Variants in ZNF621 observed in about 807,000 individuals in gnomAD.
The protein encoded by ZNF621 is zinc finger protein 621.
In ZNF621, 6 loss-of-function variants were observed where a neutral mutation model predicts 12.7. The observed-to-expected ratio is 0.47, with a 90% CI of 0.26 to 0.93. ZNF621 has a LOEUF of 0.93. ZNF621 is among the 40% of genes least tolerant of loss of function. The pLI is 0.15. For missense variants in ZNF621, 474 were observed against 524.0 expected, an observed-to-expected ratio of 0.90 and a Z score of 0.93; for synonymous variants, 156 against 190.3, an observed-to-expected ratio of 0.82 and a Z score of 1.48.
rs1369204312 is a variant in ZNF621 at position 40,538,036 on chromosome 3, CTT to C, written c.*4948_*4949del. 2.0e-5 allele frequency among the ~76,000 whole-genome samples: 3 copies of C among 152,172 alleles called. No individual in the cohort carries two copies. Among genetic ancestry groups the C allele is most frequent in the Non-Finnish European group, 4.4e-5 (3 of 68,028 alleles). Reference sequence around the variant, plus strand: ...TGTTAGGGGTTCATGCAGCTGGTAACTTTAAGTTGAAGCCAATGCTCATTTAC... The same window carrying C: ...TGTTAGGGGTTCATGCAGCTGGTAACTAAGTTGAAGCCAATGCTCATTTAC... On this transcript the variant is annotated 3_prime_UTR_variant, in exon 5 of 5. Transcript: ENST00000339296.
At chr3:40,531,076 G>A (rs1438101646) in intron 4 of ZNF621, among the ~76,000 whole-genome samples, 1 of 152,244 alleles carries the variant, frequency 6.6e-6, no homozygotes, top group Non-Finnish European at 1.5e-5. Flanking sequence ...AGGTACCACA[G>A]TGGCTTACAG....
At chr3:40,529,279 A>C in intron 2 of ZNF621, 40 bp from the exon 3 acceptor site, 1 of 1,605,044 alleles carries the variant, frequency 6.2e-7, no homozygotes, top group Non-Finnish European at 8.5e-7. Flanking sequence ...TCTTCCTTCT[A>C]CTTCTCACTC....
chr3:40,530,989 G>A (rs997475597), intron 4 of ZNF621, among the ~76,000 whole-genome samples: 12 of 152,058 alleles, frequency 7.9e-5, no homozygotes, highest in Non-Finnish European at 1.5e-4. Flanking sequence ...GTTTACTTGC[G>A]TTTCCATTTC....
chr3:40,532,287 C>T lies in ZNF621; in HGVS notation c.517C>T (p.His173Tyr). 1.9e-6 allele frequency: 3 copies of T among 1,613,274 alleles called. No individual in the cohort carries two copies. The highest frequency in any genetic ancestry group is 1.1e-5 in the South Asian group (1 of 91,076). ...NSKLIRHQMS[H>Y]TGEKPFKCKE... ...AAAGCTTATTCGGCATCAGATGAGT[C>T]ATACTGGGGAAAAGCCCTTTAAGTG... Residue 173 changes from histidine (H) to tyrosine (Y), a missense_variant, in exon 5 of 5, where the codon CAT becomes TAT. By Grantham distance (83) the His-to-Tyr change is moderately conservative (BLOSUM62 2). Transcript: ENST00000339296.
chr3:40,534,685 T>A lies in ZNF621; in HGVS notation c.*1595T>A, dbSNP rs536197544. ...AGCATGGACCATACTTTGAGAGATA[T>A]GCTTCAAACAGAAAATGCCCACCCC... On this transcript the variant is annotated 3_prime_UTR_variant, in exon 5 of 5. Coordinates refer to ENST00000339296, the MANE Select transcript of ZNF621 (RefSeq NM_198484.5). 6.6e-6 allele frequency: 1 copy of A among 152,302 alleles called. No homozygotes were observed. The highest frequency in any genetic ancestry group is 1.9e-4 in the East Asian group (1 of 5,170). 9.4% of individuals were successfully genotyped at this position (152,302 alleles called of 1,614,324 possible).
chr3:40,525,987 G>T, intron 2 of ZNF621, 123 bp downstream of exon 2: 1 of 1,090,646 alleles, frequency 9.2e-7, no homozygotes. Context: ...TTTCCCCTTT[G>T]TATCTATCTC....
rs766440073 is a variant in ZNF621 at position 40,532,505 on chromosome 3, T to C, written c.735T>C (p.Arg245=). The C allele has an allele frequency of 1.9e-6, 3 of 1,614,076 alleles. No individual in the cohort carries two copies. In the Admixed American group the frequency reaches 5.0e-5, roughly 27 times the overall value. ...YECKECGKAF[R]RSAAYLQHQR... ...GTAAAGAGTGTGGAAAGGCTTTCCGTAGGAGTGCGGCATACCTGCAGCATC... is the reference window on the plus strand; with the variant it reads ...GTAAAGAGTGTGGAAAGGCTTTCCGCAGGAGTGCGGCATACCTGCAGCATC... The change falls in exon 5 of 5, where the codon CGT becomes CGC. Residue 245 remains arginine (R), a synonymous_variant. Coordinates refer to ENST00000339296, the MANE Select transcript of ZNF621 (RefSeq NM_198484.5).
chr3:40,525,456 T>A (rs1266794062), intron 1 of ZNF621, 182 bp downstream of exon 1: 1 of 345,598 alleles, frequency 2.9e-6, no homozygotes, highest in East Asian at 6.4e-5. Context: ...CACGTCATCG[T>A]CCCTGTAAGC....
chr3:40,526,560 T>G (rs1328243185), intron 2 of ZNF621, among the ~76,000 whole-genome samples: 5 of 152,196 alleles, frequency 3.3e-5, no homozygotes, highest in African/African-American at 1.2e-4. Flanking sequence ...TAATATACAT[T>G]TTCTAAATGC....
intron 2 of ZNF621, among the ~76,000 whole-genome samples, chr3:40,528,575 C>G (rs1219340658): frequency 6.6e-6 from 1 of 152,216 alleles, no homozygotes; most frequent in East Asian, 1.9e-4. Flanking sequence ...AATTGACGAA[C>G]TGTCTTCCAA....
chr3:40,530,546 A>C (rs889139014), intron 4 of ZNF621, among the ~76,000 whole-genome samples: 1 of 152,196 alleles, frequency 6.6e-6, no homozygotes, highest in Non-Finnish European at 1.5e-5. Flanking sequence ...CCAAGGCAGA[A>C]AAGCTGTGAC....
At position 40,529,355 on chromosome 3, in the gene ZNF621, A is replaced by G. The variant is rs1184262644; in HGVS notation, c.61A>G (p.Thr21Ala). The G allele has an allele frequency of 1.7e-5, 28 of 1,613,784 alleles. No individual in the cohort carries two copies. The highest frequency in any genetic ancestry group is 2.3e-5 in the Non-Finnish European group (27 of 1,179,798). Residue 21 changes from threonine to alanine, a missense_variant, in exon 3 of 5, where the codon ACC becomes GCC. Physicochemically the swap from Thr to Ala is moderately conservative, Grantham distance 58. Coordinates refer to ENST00000339296, the MANE Select transcript of ZNF621 (RefSeq NM_198484.5). ...VTFEDVAVYF[T>A]QNQWASLDPA... is the part of the protein sequence containing the mutation. The stretch of plus-strand genomic sequence containing the variant: ...CTTTGAGGATGTGGCTGTTTACTTC[A>G]CCCAGAATCAATGGGCCAGCCTCGA...
In ZNF621 at chr3:40,535,272, G is replaced by A. The variant is rs965198099; in HGVS notation, c.*2182G>A. On this transcript the variant is annotated 3_prime_UTR_variant, in exon 5 of 5. Transcript: ENST00000339296. ...TATTCTCAGTCACTTCCACTAAACAGTGCCAGTGTTTTAAGGTTCTGTCAC... is the reference window on the plus strand; with the variant it reads ...TATTCTCAGTCACTTCCACTAAACAATGCCAGTGTTTTAAGGTTCTGTCAC... 6.6e-6 allele frequency: 1 copy of A among 152,218 alleles called. No individual in the cohort carries two copies. The highest frequency in any genetic ancestry group is 6.5e-5 in the Admixed American group (1 of 15,280). The allele number at this position is 152,218 out of a possible 1,614,324, so 9.4% of individuals were successfully genotyped here.
Position 40,537,571 on chromosome 3 carries a change from C to A in ZNF621, c.*4481C>A. 1 of 152,596 alleles carries A rather than the reference C, an allele frequency of 6.6e-6. No individual in the cohort carries two copies. The highest frequency in any genetic ancestry group is 1.5e-5 in the Non-Finnish European group (1 of 68,314). 9.5% of individuals were successfully genotyped at this position (152,596 alleles called of 1,614,324 possible). ...TGAGCTATGATTGTGCCACTGCACTCTAGCCTGTGTGACAGAATGAAACCA... is the reference window on the plus strand; with the variant it reads ...TGAGCTATGATTGTGCCACTGCACTATAGCCTGTGTGACAGAATGAAACCA... On this transcript the variant is annotated 3_prime_UTR_variant, in exon 5 of 5. Coordinates refer to ENST00000339296, the MANE Select transcript of ZNF621 (RefSeq NM_198484.5).
At chr3:40,528,726 T>C (rs1698646775) in intron 2 of ZNF621, among the ~76,000 whole-genome samples, 1 of 152,256 alleles carries the variant, frequency 6.6e-6, no homozygotes, top group Admixed American at 6.5e-5. Context: ...TCACTGTTTT[T>C]ATTGCAATTC....
intron 4 of ZNF621, 36 bp from the exon 5 acceptor site, chr3:40,531,994 T>A (rs1382282977): frequency 6.4e-7 from 1 of 1,552,134 alleles, no homozygotes; most frequent in Non-Finnish European, 8.7e-7. Flanking sequence ...TTCTTCCAGT[T>A]TTGTAACTAG....
In ZNF621 at chr3:40,535,111, G is replaced by A. The variant is rs776779288; in HGVS notation, c.*2021G>A. ...TCTGCCTTCGGCGAGAGAACAGCAA[G>A]CTCCAGAAAGTGGCTGCGCCTTCAG... On this transcript the variant is annotated 3_prime_UTR_variant, in exon 5 of 5. Coordinates refer to ENST00000339296, the MANE Select transcript of ZNF621 (RefSeq NM_198484.5). 1 of 152,232 alleles carries A rather than the reference G, an allele frequency of 6.6e-6. No homozygotes were observed. The highest frequency in any genetic ancestry group is 2.4e-5 in the African/African-American group (1 of 41,432). 9.4% of individuals were successfully genotyped at this position (152,232 alleles called of 1,614,324 possible). A position where few individuals can be genotyped will look rare whatever the true frequency, so the allele number is the denominator to read the frequency against.
rs1242307667 is a variant in ZNF621 at position 40,530,238 on chromosome 3, A to G, written c.181A>G (p.Ile61Val). 1 of 1,612,766 alleles carries G rather than the reference A, an allele frequency of 6.2e-7. No individual in the cohort carries two copies. The highest frequency in any genetic ancestry group is 8.5e-7 in the Non-Finnish European group (1 of 1,179,524). ...VAFPFPKPAL[I>V]SHLERGEAPW... ...GTTTCCATTCCCCAAACCTGCTCTGATCTCCCACCTGGAGAGAGGGGAAGC... is the reference window on the plus strand; with the variant it reads ...GTTTCCATTCCCCAAACCTGCTCTGGTCTCCCACCTGGAGAGAGGGGAAGC... Residue 61 changes from isoleucine to valine, a missense_variant, in exon 4 of 5, where the codon ATC (isoleucine) becomes GTC (valine). Coordinates refer to ENST00000339296, the MANE Select transcript of ZNF621 (RefSeq NM_198484.5).
In ZNF621 at chr3:40,532,980, A is replaced by G; in HGVS notation, c.1210A>G (p.Thr404Ala). 3.9e-6 allele frequency: 6 copies of G among 1,551,934 alleles called. No individual in the cohort carries two copies. Among genetic ancestry groups the G allele is most frequent in the Non-Finnish European group, 4.4e-6 (5 of 1,147,108 alleles). ...TSGNFFMLLPTSGIPSSSAQI... is the reference protein window; with the variant it reads ...TSGNFFMLLPASGIPSSSAQI... ...TGGGAATTTTTTCATGCTGCTGCCT[A>G]CATCTGGAATACCTTCTTCATCTGC... is the stretch of plus-strand genomic sequence containing the variant. Residue 404 changes from threonine (T) to alanine (A), a missense_variant, in exon 5 of 5, where the codon ACA becomes GCA. By Grantham distance (58) the Thr-to-Ala change is moderately conservative. Coordinates refer to ENST00000339296, the MANE Select transcript of ZNF621 (RefSeq NM_198484.5).
Sources: allele counts gnomAD v4.1 joint callset (sites outside exome capture counted in the v4.1 genomes callset), GRCh38; gene constraint gnomAD v4.1.1; transcripts MANE v1.5; gene names NCBI Gene and HGNC (gene_info 2026-07-23, HGNC 2026-07-21).